Variants in PLXDC2 observed in about 807,000 individuals in gnomAD.
PLXDC2 encodes the protein plexin domain containing 2.
A neutral mutation model predicts 68.9 loss-of-function variants in PLXDC2; 40 were observed. That is an observed-to-expected ratio of 0.58 (90% CI 0.45 to 0.76). PLXDC2 has a LOEUF of 0.76. Ranked by LOEUF, PLXDC2 falls within the 30% of genes least tolerant of loss-of-function variation. PLXDC2 has a pLI of 0.00. For synonymous variants in PLXDC2, 243 were observed against 234.2 expected, an observed-to-expected ratio of 1.04 and a Z score of -0.34; for missense variants, 644 against 661.9, an observed-to-expected ratio of 0.97 and a Z score of 0.30.
chr10:19,941,940 G>A (rs1277231825), intron 1 of PLXDC2, among the ~76,000 whole-genome samples: 3 of 142,968 alleles, frequency 2.1e-5, no homozygotes, highest in Non-Finnish European at 3.0e-5. Context: ...AACCCGTTTT[G>A]TATTGTGTTT....
At chr10:19,871,256 G>A (rs915208342) in intron 1 of PLXDC2, among the ~76,000 whole-genome samples, 8 of 152,196 alleles carry the variant, frequency 5.3e-5, no homozygotes, top group Admixed American at 3.9e-4. Context: ...TCACATATAC[G>A]GCAAAGGAAT....
intron 2 of PLXDC2, among the ~76,000 whole-genome samples, chr10:20,018,851 C>A (rs1368789261): frequency 2.0e-5 from 3 of 151,948 alleles, no homozygotes; most frequent in Non-Finnish European, 2.9e-5. Context: ...TAAAAATAAA[C>A]AAATGAGGTT....
intron 4 of PLXDC2, among the ~76,000 whole-genome samples, chr10:20,135,028 T>C (rs1195572204): frequency 6.6e-6 from 1 of 152,226 alleles, no homozygotes; most frequent in African/African-American, 2.4e-5. Context: ...AATTTGTCTT[T>C]TCTTATTTCT....
At chr10:19,836,203 T>C (rs1158899022) in intron 1 of PLXDC2, among the ~76,000 whole-genome samples, 2 of 151,360 alleles carry the variant, frequency 1.3e-5, no homozygotes, top group Non-Finnish European at 2.9e-5. Context: ...AAGAGTATGG[T>C]TGGGAAGTAA....
chr10:20,076,398 T>C, intron 4 of PLXDC2, among the ~76,000 whole-genome samples: 1 of 152,226 alleles, frequency 6.6e-6, no homozygotes. Flanking sequence ...AATGACTTAA[T>C]CTCTCTGATG....
intron 1 of PLXDC2, among the ~76,000 whole-genome samples, chr10:19,947,027 T>C (rs1454719396): frequency 6.6e-6 from 1 of 152,012 alleles, no homozygotes; most frequent in Admixed American, 6.6e-5. Context: ...CAAGGGTCCT[T>C]ATAAGTAAAA....
At chr10:20,111,180 A>G (rs1007484254) in intron 4 of PLXDC2, among the ~76,000 whole-genome samples, 1 of 152,164 alleles carries the variant, frequency 6.6e-6, no homozygotes, top group Non-Finnish European at 1.5e-5. Flanking sequence ...TGTGTGGGTG[A>G]TAGACTTGCA....
At chr10:20,017,570 C>T (rs931634082) in intron 2 of PLXDC2, among the ~76,000 whole-genome samples, 2 of 152,256 alleles carry the variant, frequency 1.3e-5, no homozygotes, top group South Asian at 2.1e-4. Flanking sequence ...TATTTTGGAT[C>T]GATTACTCCC....
At chr10:20,037,644 C>A (rs1300029074) in intron 2 of PLXDC2, among the ~76,000 whole-genome samples, 1 of 152,082 alleles carries the variant, frequency 6.6e-6, no homozygotes, top group African/African-American at 2.4e-5. Flanking sequence ...CCAACATAAA[C>A]ACATACTAAT....
intron 1 of PLXDC2, among the ~76,000 whole-genome samples, chr10:19,844,031 A>C (rs1180305197): frequency 2.0e-5 from 3 of 152,234 alleles, no homozygotes; most frequent in African/African-American, 7.2e-5. Context: ...AAAATATGGC[A>C]TGTATTCTGC....
chr10:19,906,126 A>C (rs1833152894), intron 1 of PLXDC2, among the ~76,000 whole-genome samples: 1 of 152,158 alleles, frequency 6.6e-6, no homozygotes. Context: ...AAAATAAAGA[A>C]GAGAGAGGGA....
At chr10:20,271,894 T>A (rs12774181) in intron 13 of PLXDC2, among the ~76,000 whole-genome samples, 1 of 152,202 alleles carries the variant, frequency 6.6e-6, no homozygotes, top group African/African-American at 2.4e-5. Flanking sequence ...ATTGGTTAGC[T>A]CCCGTTCAAG....
At chr10:19,999,929 T>C (rs1235932394) in intron 1 of PLXDC2, among the ~76,000 whole-genome samples, 1 of 152,162 alleles carries the variant, frequency 6.6e-6, no homozygotes, top group Non-Finnish European at 1.5e-5. Flanking sequence ...CACGGAGACT[T>C]TTTAGAATTA....
Position 20,159,406 on chromosome 10 carries a change from A to G in PLXDC2, c.784-5062A>G, listed in dbSNP as rs116958704. On this transcript the variant is annotated intron_variant, in intron 6 of 13. Transcript: ENST00000377252. ...GAGTCTCAATAGCAGTGCATACATA[A>G]TTCTTCCAGAATCTGCCTCTGTCAC... Among the ~76,000 whole-genome samples the G allele has an allele frequency of 4.6e-3, 700 of 152,180 alleles. 4 individuals carry two copies. The highest frequency in any genetic ancestry group is 7.8e-3 in the Non-Finnish European group (533 of 68,008).
chr10:20,162,060 GAGAGAGAGAGAGAAGGAAGGAAGGAA>G (rs1564337911), intron 6 of PLXDC2, among the ~76,000 whole-genome samples: 1 of 115,986 alleles, frequency 8.6e-6, no homozygotes, highest in Non-Finnish European at 1.8e-5. Flanking sequence ...GAGAGAGAGA[GAGAGAGAGAGAGAAGGAAGGAAGGAA>G]GGAAGGAAGG....
chr10:20,049,320 C>T (rs1346141513), intron 3 of PLXDC2, among the ~76,000 whole-genome samples: 4 of 152,034 alleles, frequency 2.6e-5, no homozygotes, highest in South Asian at 2.1e-4. Flanking sequence ...TGACCTCTGT[C>T]GTCATTCTTA....
chr10:19,850,246 C>T (rs955871785), intron 1 of PLXDC2, among the ~76,000 whole-genome samples: 4 of 150,594 alleles, frequency 2.7e-5, no homozygotes, highest in African/African-American at 9.8e-5. Context: ...CTTATCTAAC[C>T]TAGGAGAAAA....
At chr10:19,839,777 C>A (rs761640188) in intron 1 of PLXDC2, among the ~76,000 whole-genome samples, 8 of 152,062 alleles carry the variant, frequency 5.3e-5, no homozygotes, top group Non-Finnish European at 8.8e-5. Context: ...ACGGCAGACT[C>A]TTTAGAATGT....
chr10:19,832,777 C>T (rs1019586842), intron 1 of PLXDC2, among the ~76,000 whole-genome samples: 4 of 152,102 alleles, frequency 2.6e-5, no homozygotes, highest in Admixed American at 6.6e-5. Context: ...ACAAGGGAGC[C>T]GGGGAAGAGT....
Sources: gnomAD v4.1 joint callset for allele counts (sites outside exome capture counted in the v4.1 genomes callset) on GRCh38, gnomAD v4.1.1 for gene constraint, MANE v1.5 for transcripts, NCBI Gene and HGNC (gene_info 2026-07-23, HGNC 2026-07-21) for gene names.